The following PKHD1L1 variants were observed in gnomAD, a reference collection of about 807,000 sequenced individuals.
PKHD1L1 encodes the protein PKHD1 like 1.
PKHD1L1 carries 434 observed loss-of-function variants against 462.9 expected under a neutral mutation model. The ratio of observed to expected loss-of-function variants is 0.94; its 90% CI spans 0.87 to 1.02. The LOEUF is 1.02. Among genes scored for constraint, PKHD1L1 ranks in the 50% least tolerant of loss-of-function variants. The pLI is 0.00. For missense variants in PKHD1L1, 5,202 were observed against 5,096.1 expected (o/e 1.02, Z -0.63); for synonymous variants, 1,781 against 1,750.0 (o/e 1.02, Z -0.44).
chr8:109,464,432 C>T lies in PKHD1L1; in HGVS notation c.7600C>T (p.His2534Tyr). 1 of 1,613,562 alleles carries T rather than the reference C, an allele frequency of 6.2e-7. No individual in the cohort carries two copies. Among genetic ancestry groups the T allele is most frequent in the South Asian group, 1.1e-5 (1 of 91,074 alleles). Residue 2534 changes from histidine (H) to tyrosine (Y), a missense_variant, in exon 49 of 78, where the codon CAT (histidine) becomes TAT (tyrosine). Coordinates refer to ENST00000378402, the MANE Select transcript of PKHD1L1 (RefSeq NM_177531.6). ...GAFFIEDGIE[H>Y]GNILQYNLAV... The stretch of plus-strand genomic sequence containing the variant: ...ATTTTTTATAGAAGATGGTATTGAA[C>T]ATGGCAATATCCTCCAGTATAACTT...
chr8:109,513,471 CTT>C (rs1480924967), intron 71 of PKHD1L1, among the ~76,000 whole-genome samples: 1 of 152,050 alleles, frequency 6.6e-6, no homozygotes, highest in Non-Finnish European at 1.5e-5. Flanking sequence ...AATGTCAAGT[CTT>C]TGCTAGAAAC....
rs1817355843 is a variant in PKHD1L1, at chr8:109,464,983, A to G, written c.8151A>G (p.Gly2717=). ...TAGTCGGCCATCTTGATGAACTGGG[A>G]ATGGGGTCTGCATTTTGCACAGCAA... is the stretch of plus-strand genomic sequence containing the variant. ...AKIVGHLDEL[G]MGSAFCTAKG... Residue 2717 remains glycine, a synonymous_variant, in exon 49 of 78, where the codon GGA becomes GGG. Coordinates refer to ENST00000378402, the MANE Select transcript of PKHD1L1 (RefSeq NM_177531.6). 6.2e-7 allele frequency: 1 copy of G among 1,613,768 alleles called. No individual in the cohort carries two copies. Among genetic ancestry groups the G allele is most frequent in the Non-Finnish European group, 8.5e-7 (1 of 1,179,778 alleles).
At chr8:109,439,782 G>T (rs1439004804) in intron 32 of PKHD1L1, among the ~76,000 whole-genome samples, 3 of 152,132 alleles carry the variant, frequency 2.0e-5, no homozygotes, top group African/African-American at 4.8e-5. Flanking sequence ...GGAATACTTA[G>T]AAAAGGAAGA....
intron 44 of PKHD1L1, 122 bp downstream of exon 44, chr8:109,454,368 C>T: frequency 1.4e-6 from 1 of 704,120 alleles, no homozygotes; most frequent in Non-Finnish European, 2.2e-6. Flanking sequence ...TTGTTTAGGT[C>T]TCTGTTATTG....
Position 109,487,846 on chromosome 8 carries a change from AAAAG to A in PKHD1L1, c.9880+1035_9880+1038del, listed in dbSNP as rs745910394. ...CTGGGCACTATAGTGAGACCCAGCC[AAAAG>A]AAAGAAAGAGAGAAAGACAGAGAGA... On this transcript the variant is annotated intron_variant, in intron 59 of 77. Coordinates refer to ENST00000378402, the MANE Select transcript of PKHD1L1 (RefSeq NM_177531.6). 6.2e-5 allele frequency among the ~76,000 whole-genome samples: 9 copies of A among 144,804 alleles called. No homozygotes were observed. In the East Asian group the frequency reaches 1.8e-3, roughly 30 times the overall value. The allele number at this position is 144,804 out of a possible 152,430, so 95.0% of individuals were successfully genotyped here. A position where few individuals can be genotyped will look rare whatever the true frequency, so the allele number is the denominator to read the frequency against.
At chr8:109,430,155 A>G (rs951509940) in intron 27 of PKHD1L1, 118 bp downstream of exon 27, 19 of 541,810 alleles carry the variant, frequency 3.5e-5, no homozygotes, top group Non-Finnish European at 5.4e-5. Flanking sequence ...GCAAGCAAAC[A>G]GTTCTACATT....
At chr8:109,445,744 T>C in intron 38 of PKHD1L1, 99 bp downstream of exon 38, 1 of 1,244,360 alleles carries the variant, frequency 8.0e-7, no homozygotes. Context: ...TTAAGGTGTG[T>C]TTATAAATGT....
In PKHD1L1 at chr8:109,476,571, GA is replaced by G. The variant is rs1563587441; in HGVS notation, c.8822del (p.Asp2941ValfsTer2). On this transcript the variant is annotated frameshift_variant, in exon 52 of 78. Transcript: ENST00000378402. LOFTEE classifies it high-confidence loss of function. Reference protein sequence around the residue: ...TQNPDMFNIIDMRNGSSNPLN... With the variant: ...TQNPDMFNIIXMRNGSSNPLN... ...AAATCCTGACATGTTTAATATTATT[GA>G]TATGAGGAATGGTTCCTCAAATCCA... is the stretch of plus-strand genomic sequence containing the variant. The G allele has an allele frequency of 6.4e-7, 1 of 1,559,044 alleles. No individual in the cohort carries two copies. The highest frequency in any genetic ancestry group is 1.8e-5 in the Admixed American group (1 of 54,790).
At chr8:109,369,507 A>G (rs1811389221) in intron 2 of PKHD1L1, among the ~76,000 whole-genome samples, 1 of 152,104 alleles carries the variant, frequency 6.6e-6, no homozygotes, top group South Asian at 2.1e-4. Flanking sequence ...GTAACTCCTA[A>G]GCTGAAAATG....
rs1803023611 is a variant in PKHD1L1 at position 109,533,635 on chromosome 8, TC to T, written c.*3548del. Among the ~76,000 whole-genome samples the T allele has an allele frequency of 6.6e-6, 1 of 152,326 alleles. No homozygotes were observed. Among genetic ancestry groups the T allele is most frequent in the Non-Finnish European group, 1.5e-5 (1 of 68,026 alleles). On this transcript the variant is annotated 3_prime_UTR_variant, in exon 78 of 78. Coordinates refer to ENST00000378402, the MANE Select transcript of PKHD1L1 (RefSeq NM_177531.6). ...GACCTTAAAACATAGCTATTATGCA[TC>T]CCTTTGCCTTTTCTTCATCCCTTTC...
chr8:109,427,203 C>T (rs762315442), intron 25 of PKHD1L1, 47 bp downstream of exon 25: 4 of 1,402,394 alleles, frequency 2.9e-6, no homozygotes, highest in South Asian at 1.2e-5. Context: ...GTGCTGTTTG[C>T]TTATTTGGAC....
chr8:109,475,324 A>T, intron 51 of PKHD1L1, 55 bp downstream of exon 51: 1 of 1,307,296 alleles, frequency 7.6e-7, no homozygotes, highest in Non-Finnish European at 1.0e-6. Context: ...AACACAGCCT[A>T]CATCCTCATA....
chr8:109,480,518 A>G (rs752966878), intron 55 of PKHD1L1: 54 of 436,144 alleles, frequency 1.2e-4, no homozygotes, highest in Non-Finnish European at 1.7e-4. Context: ...AGTATTTAAA[A>G]AAAAAACCAA....
chr8:109,428,379 G>T (rs950453760), intron 25 of PKHD1L1, among the ~76,000 whole-genome samples: 1 of 152,082 alleles, frequency 6.6e-6, no homozygotes, highest in Admixed American at 6.6e-5. Flanking sequence ...TATTTACCTG[G>T]AAAGAAATTC....
At chr8:109,506,023 G>GT (rs764835934) in intron 68 of PKHD1L1, among the ~76,000 whole-genome samples, 30 of 152,182 alleles carry the variant, frequency 2.0e-4, no homozygotes, top group Non-Finnish European at 3.5e-4. Context: ...TGAATTCAGT[G>GT]TTTGGGGGGT....
At chr8:109,426,467 A>G (rs867938911) in intron 24 of PKHD1L1, among the ~76,000 whole-genome samples, 18 of 151,892 alleles carry the variant, frequency 1.2e-4, no homozygotes, top group Non-Finnish European at 2.4e-4. Flanking sequence ...ATAATTATTT[A>G]TTATTATTTT....
intron 76 of PKHD1L1, 44 bp from the exon 77 acceptor site, chr8:109,526,740 A>C: frequency 6.8e-7 from 1 of 1,465,364 alleles, no homozygotes; most frequent in Non-Finnish European, 9.3e-7. Context: ...GAAAACAAGT[A>C]AAACATAAAG....
chr8:109,478,863 T>C (rs1438677705), intron 53 of PKHD1L1, among the ~76,000 whole-genome samples: 1 of 152,146 alleles, frequency 6.6e-6, no homozygotes, highest in Non-Finnish European at 1.5e-5. Context: ...TATAATTGGA[T>C]TGATTAATTT....
At chr8:109,454,122 C>A in intron 43 of PKHD1L1, 45 bp from the exon 44 acceptor site, 1 of 1,277,036 alleles carries the variant, frequency 7.8e-7, no homozygotes, top group Non-Finnish European at 1.1e-6. Flanking sequence ...TAACTTTTAA[C>A]AAGATTTTTC....
Sources: gnomAD v4.1 joint callset for allele counts (sites outside exome capture counted in the v4.1 genomes callset) on GRCh38, gnomAD v4.1.1 for gene constraint, MANE v1.5 for transcripts, NCBI Gene and HGNC (gene_info 2026-07-23, HGNC 2026-07-21) for gene names.